The following TRIM37 variants were observed in gnomAD, a reference collection of about 807,000 sequenced individuals.
TRIM37 encodes the protein tripartite motif containing 37, also known as E3 ubiquitin-protein ligase TRIM37.
Under a neutral mutation model 129.8 loss-of-function variants are expected in TRIM37, and 80 were observed. The ratio of observed to expected loss-of-function variants is 0.62; its 90% confidence interval spans 0.51 to 0.74. The LOEUF is 0.74. Among genes scored for constraint, TRIM37 ranks in the 30% least tolerant of loss-of-function variants. The pLI is 0.00. For missense variants in TRIM37, 1,054 were observed against 1,176.5 expected, an observed-to-expected ratio of 0.90 and a Z score of 1.52; for synonymous variants, 389 against 387.1, an observed-to-expected ratio of 1.00 and a Z score of -0.06.
intron 16 of TRIM37, among the ~76,000 whole-genome samples, chr17:59,047,262 A>G (rs1257386359): frequency 6.6e-6 from 1 of 152,246 alleles, no homozygotes; most frequent in Non-Finnish European, 1.5e-5. Flanking sequence ...AATTTTTAGA[A>G]GGTTACAGTA....
intron 2 of TRIM37, among the ~76,000 whole-genome samples, chr17:59,092,160 A>C (rs1054703062): frequency 6.6e-6 from 1 of 152,146 alleles, no homozygotes; most frequent in South Asian, 2.1e-4. Flanking sequence ...TGGGAGGCCA[A>C]GGTGGGCAGA....
chr17:58,996,104 C>T (rs2032964134), downstream of TRIM37, among the ~76,000 whole-genome samples: 1 of 152,062 alleles, frequency 6.6e-6, no homozygotes, highest in Non-Finnish European at 1.5e-5. Flanking sequence ...AAACGTAAAT[C>T]TATAGTAGGA....
chr17:59,021,100 G>T (rs1472247983), intron 19 of TRIM37, among the ~76,000 whole-genome samples: 2 of 152,158 alleles, frequency 1.3e-5, no homozygotes, highest in Admixed American at 6.5e-5. Flanking sequence ...AATGGATAAA[G>T]AAAATGTTAG....
chr17:59,083,745 G>A (rs1041834858), intron 5 of TRIM37, among the ~76,000 whole-genome samples: 2 of 152,092 alleles, frequency 1.3e-5, no homozygotes, highest in African/African-American at 2.4e-5. Flanking sequence ...ATCCTACAAC[G>A]AAAAGATCTG....
Position 58,990,806 on chromosome 17 carries a change from A to G in TRIM37, c.2892-7885T>C, listed in dbSNP as rs545382435. Reference sequence around the variant, plus strand: ...ACTCTGTCTCAAAAAAAAAAAAAAGAAAGAAAGGAAAAAGAAAAAAAAAAA... The same window carrying G: ...ACTCTGTCTCAAAAAAAAAAAAAAGGAAGAAAGGAAAAAGAAAAAAAAAAA... On this transcript the variant is annotated intron_variant, in intron 24 of 24. Transcript: ENST00000393066. Among the ~76,000 whole-genome samples the G allele has an allele frequency of 1.6e-3, 246 of 149,794 alleles. 2 individuals carry two copies. The highest frequency in any genetic ancestry group is 7.0e-3 in the Middle Eastern group (2 of 286).
chr17:59,101,527 C>T (rs2045467863), intron 2 of TRIM37, among the ~76,000 whole-genome samples: 2 of 150,960 alleles, frequency 1.3e-5, no homozygotes. Flanking sequence ...ACTTAAAAAT[C>T]ATTGGTATAG....
chr17:59,042,528 T>A (rs1162478290), intron 16 of TRIM37, among the ~76,000 whole-genome samples: 1 of 146,460 alleles, frequency 6.8e-6, no homozygotes, highest in Non-Finnish European at 1.5e-5. Flanking sequence ...TTTGGGAGGC[T>A]AAGGTGGGAG....
At chr17:59,061,152 C>T (rs775255460) in intron 11 of TRIM37, 44 bp from the exon 12 acceptor site, 2 of 1,506,948 alleles carry the variant, frequency 1.3e-6, no homozygotes, top group Non-Finnish European at 1.8e-6. Flanking sequence ...AATTAAGCCA[C>T]AATAAAACAA....
At chr17:59,003,057 A>G (rs1434972600) in intron 22 of TRIM37, among the ~76,000 whole-genome samples, 2 of 152,104 alleles carry the variant, frequency 1.3e-5, no homozygotes, top group African/African-American at 4.8e-5. Context: ...GTAATTTGTT[A>G]GTAGACATGG....
intron 13 of TRIM37, among the ~76,000 whole-genome samples, chr17:59,054,941 C>T (rs1416972032): frequency 6.6e-6 from 1 of 152,086 alleles, no homozygotes; most frequent in East Asian, 1.9e-4. Context: ...GCTGGGATTA[C>T]AGGCGTGAGC....
the TRIM37 span, among the ~76,000 whole-genome samples, chr17:58,967,618 A>G: frequency 1.3e-5 from 2 of 151,930 alleles, no homozygotes; most frequent in African/African-American, 2.4e-5. Context: ...ATTATCATAC[A>G]TTATTATAAT....
intron 9 of TRIM37, 121 bp downstream of exon 9, chr17:59,070,702 C>A (rs2042285667): frequency 8.8e-7 from 1 of 1,134,338 alleles, no homozygotes; most frequent in Non-Finnish European, 1.3e-6. Flanking sequence ...CAAGTGAGAC[C>A]CTATCTATAA....
downstream of TRIM37, among the ~76,000 whole-genome samples, chr17:58,997,757 A>G (rs1197284685): frequency 1.3e-5 from 2 of 152,202 alleles, no homozygotes; most frequent in Admixed American, 1.3e-4. Context: ...GGGCTCTATC[A>G]GGGTACAGAA....
chr17:59,054,372 G>C (rs1458112626), intron 13 of TRIM37, among the ~76,000 whole-genome samples: 1 of 151,938 alleles, frequency 6.6e-6, no homozygotes, highest in Non-Finnish European at 1.5e-5. Context: ...TGAAATCTCG[G>C]CTCACTGCAA....
At chr17:58,968,090 C>T in the TRIM37 span, among the ~76,000 whole-genome samples, 1 of 152,130 alleles carries the variant, frequency 6.6e-6, no homozygotes, top group African/African-American at 2.4e-5. Context: ...GTGTGAGCCA[C>T]CGCACCCGGC....
chr17:58,972,939 AT>A, the TRIM37 span: 1 of 1,604,380 alleles, frequency 6.2e-7, no homozygotes, highest in Non-Finnish European at 8.5e-7. Context: ...GGAAAAACAA[AT>A]TTTTGTTTCT....
At chr17:59,065,300 A>G (rs762996905) in intron 9 of TRIM37, among the ~76,000 whole-genome samples, 20 of 152,228 alleles carry the variant, frequency 1.3e-4, no homozygotes, top group Non-Finnish European at 2.8e-4. Flanking sequence ...CCTACTCTGG[A>G]ATGGATTATG....
intron 21 of TRIM37, among the ~76,000 whole-genome samples, chr17:59,012,769 C>T (rs1429501149): frequency 1.3e-5 from 2 of 151,526 alleles, no homozygotes; most frequent in African/African-American, 2.4e-5. Flanking sequence ...CCCAGCTACT[C>T]GGGAGGCTGA....
intron 22 of TRIM37, among the ~76,000 whole-genome samples, chr17:59,003,922 TAAAA>T (rs60843441): frequency 1.1e-5 from 1 of 89,568 alleles, no homozygotes; most frequent in African/African-American, 4.3e-5. Context: ...CCCATCTCTA[TAAAA>T]AAAAAAAAAA....
Sources: gnomAD v4.1 joint callset for allele counts (sites outside exome capture counted in the v4.1 genomes callset) on GRCh38, gnomAD v4.1.1 for gene constraint, MANE v1.5 for transcripts, NCBI Gene and HGNC (gene_info 2026-07-23, HGNC 2026-07-21) for gene names.